The following AKNAD1 variants were observed in gnomAD, a reference collection of about 807,000 sequenced individuals.
AKNAD1 encodes the protein protein AKNAD1.
AKNAD1 carries 67 observed loss-of-function variants against 90.8 expected under a neutral mutation model. That is an observed-to-expected ratio of 0.74 (90% CI 0.61 to 0.90). The LOEUF is 0.90. Among genes scored for constraint, AKNAD1 ranks in the 40% least tolerant of loss-of-function variants. The probability of loss-of-function intolerance (pLI) is 0.00; values close to 1 mark genes in which losing one functional copy is unlikely to be tolerated. For synonymous variants in AKNAD1, 327 were observed against 341.4 expected, an observed-to-expected ratio of 0.96 and a Z score of 0.46; for missense variants, 957 against 975.4, an observed-to-expected ratio of 0.98 and a Z score of 0.25.
At chr1:108,826,742 CT>C (rs1363102278) in intron 11 of AKNAD1, among the ~76,000 whole-genome samples, 110 of 59,452 alleles carry the variant, frequency 1.9e-3, no homozygotes, top group Non-Finnish European at 2.7e-3. Context: ...TTTTCTTTTT[CT>C]TTTTTTTTTT....
chr1:108,847,485 C>A (rs1001051683), intron 5 of AKNAD1, among the ~76,000 whole-genome samples: 1 of 151,714 alleles, frequency 6.6e-6, no homozygotes. Context: ...TTCAATGCTG[C>A]CCAATTACTC....
intron 7 of AKNAD1, among the ~76,000 whole-genome samples, chr1:108,835,660 T>A (rs377181386): frequency 6.6e-6 from 1 of 151,604 alleles, no homozygotes; most frequent in East Asian, 1.9e-4. Context: ...AGTCTTGCCC[T>A]GTCACCCAGA....
chr1:108,820,615 G>T lies in AKNAD1; in HGVS notation c.2179C>A (p.Pro727Thr). 1.9e-6 allele frequency: 3 copies of T among 1,607,340 alleles called. No individual in the cohort carries two copies. Among genetic ancestry groups the T allele is most frequent in the South Asian group, 1.1e-5 (1 of 89,946 alleles). The change falls in exon 14 of 16, where the codon CCC becomes ACC. Residue 727 changes from proline (P) to threonine (T), a missense_variant. Transcript: ENST00000370001. ...SKNSSPSFLK[P>T]KRICSQRVNS... ...ACTCTCTGAGAACAGATCCGTTTGG[G>T]TTTTAAAAAAGCTGAAAAATGTTAG...
Position 108,851,973 on chromosome 1 carries a change from T to C in AKNAD1, c.692A>G (p.Gln231Arg). Residue 231 changes from glutamine (Q) to arginine (R), a missense_variant, in exon 2 of 16, where the codon CAG becomes CGG. Coordinates refer to ENST00000370001, the MANE Select transcript of AKNAD1 (RefSeq NM_152763.5). The stretch of plus-strand genomic sequence containing the variant: ...TTCAGTCTGCTGTTTCTGGGGTGAC[T>C]GCCCTTGATAACTTTTTTGTTTATC... ...PGDKQKSYQG[Q>R]SPQKQQTEKA... 1 of 1,614,234 alleles carries C rather than the reference T, an allele frequency of 6.2e-7. No homozygotes were observed. Among genetic ancestry groups the C allele is most frequent in the Non-Finnish European group, 8.5e-7 (1 of 1,180,030 alleles).
intron 9 of AKNAD1, 92 bp from the exon 10 acceptor site, chr1:108,830,742 G>C: frequency 7.9e-7 from 1 of 1,258,382 alleles, no homozygotes; most frequent in South Asian, 1.2e-5. Context: ...GCTGAGGTCC[G>C]GCTGAACTTG....
chr1:108,830,643 G>C lies in AKNAD1; in HGVS notation c.1754C>G (p.Pro585Arg). Residue 585 changes from proline (P) to arginine (R), a missense_variant, in exon 10 of 16, where the codon CCC (proline) becomes CGC (arginine). Coordinates refer to ENST00000370001, the MANE Select transcript of AKNAD1 (RefSeq NM_152763.5). ...ATCCTGCCTTCTTGGAGTGCCGTTGGGATCCTCCTGCGCCACAAAGCACAC... is the reference window on the plus strand; with the variant it reads ...ATCCTGCCTTCTTGGAGTGCCGTTGCGATCCTCCTGCGCCACAAAGCACAC... ...MRLSSNSGED[P>R]NGTPRRQDCA... The C allele has an allele frequency of 6.2e-7, 1 of 1,614,070 alleles. No homozygotes were observed. The highest frequency in any genetic ancestry group is 1.1e-5 in the South Asian group (1 of 91,082).
chr1:108,856,396 G>C (rs1224629137), intron 1 of AKNAD1, among the ~76,000 whole-genome samples: 1 of 151,780 alleles, frequency 6.6e-6, no homozygotes, highest in African/African-American at 2.4e-5. Flanking sequence ...TTTTGCTCTG[G>C]CTCTCAAGAA....
Position 108,851,783 on chromosome 1 carries a change from A to C in AKNAD1, c.882T>G (p.Asp294Glu). ...KQASFSSKSRDKPTLVQDSLE... is the reference protein window; with the variant it reads ...KQASFSSKSREKPTLVQDSLE... ...GACTATCTTGCACAAGAGTGGGTTTATCTCTCGACTTGGAAGAAAAGCTGG... is the reference window on the plus strand; with the variant it reads ...GACTATCTTGCACAAGAGTGGGTTTCTCTCTCGACTTGGAAGAAAAGCTGG... The change falls in exon 2 of 16, where the codon GAT becomes GAG. Residue 294 changes from aspartate to glutamate, a missense_variant. Transcript: ENST00000370001. 8.7e-6 allele frequency: 14 copies of C among 1,614,188 alleles called. No individual in the cohort carries two copies. The highest frequency in any genetic ancestry group is 1.2e-5 in the Non-Finnish European group (14 of 1,180,018).
intron 9 of AKNAD1, 132 bp downstream of exon 9, chr1:108,834,315 C>T: frequency 1.4e-6 from 1 of 726,028 alleles, no homozygotes; most frequent in Non-Finnish European, 2.3e-6. Flanking sequence ...AGCACTGACA[C>T]CCAGGATGCC....
chr1:108,839,175 A>G (rs1260383434), intron 6 of AKNAD1, among the ~76,000 whole-genome samples: 1 of 152,200 alleles, frequency 6.6e-6, no homozygotes, highest in Non-Finnish European at 1.5e-5. Context: ...CTATATTATT[A>G]GACTCTTCCA....
At chr1:108,830,016 A>C (rs1007309898) in intron 10 of AKNAD1, among the ~76,000 whole-genome samples, 3 of 152,204 alleles carry the variant, frequency 2.0e-5, no homozygotes, top group Admixed American at 1.3e-4. Flanking sequence ...GTCCTTAGGA[A>C]TGGGAAGAAA....
At chr1:108,834,613 C>T in intron 8 of AKNAD1, 85 bp from the exon 9 acceptor site, 3 of 1,354,424 alleles carry the variant, frequency 2.2e-6, no homozygotes, top group Non-Finnish European at 2.0e-6. Context: ...AATCACTTGG[C>T]ATCACCCCTG....
chr1:108,856,536 C>CAA (rs1413892000), intron 1 of AKNAD1, among the ~76,000 whole-genome samples: 2 of 145,700 alleles, frequency 1.4e-5, no homozygotes, highest in African/African-American at 2.5e-5. Context: ...CCTGTCTCTA[C>CAA]AAAGAAAAAA....
Position 108,849,398 on chromosome 1 carries a change from G to T in AKNAD1, c.1033+139C>A, listed in dbSNP as rs140654759. The T allele has an allele frequency of 5.2e-3, 3,212 of 615,052 alleles. 20 individuals carry two copies. Among genetic ancestry groups the T allele is most frequent in the South Asian group, 9.9e-3 (472 of 47,500 alleles). 38.1% of individuals were successfully genotyped at this position (615,052 alleles called of 1,614,324 possible). A position where few individuals can be genotyped will look rare whatever the true frequency, so the allele number is the denominator to read the frequency against. ...GGAGGATGAGGTGGGAGGATCATTTGAGCCCCAGAGGTCAAGGCTGCAATG... is the reference window on the plus strand; with the variant it reads ...GGAGGATGAGGTGGGAGGATCATTTTAGCCCCAGAGGTCAAGGCTGCAATG... On this transcript the variant is annotated intron_variant, in intron 3 of 15. Transcript: ENST00000370001.
chr1:108,817,030 G>A lies in AKNAD1; in HGVS notation c.2379+18C>T. On this transcript the variant is annotated intron_variant, in intron 15 of 15. Coordinates refer to ENST00000370001, the MANE Select transcript of AKNAD1 (RefSeq NM_152763.5). ...TTACGAGCTGCAATGCTTCTCGAAT[G>A]ATTTTCTAAGTCCTCACCTCAGATT... The A allele has an allele frequency of 6.2e-7, 1 of 1,613,264 alleles. No homozygotes were observed. The highest frequency in any genetic ancestry group is 1.7e-5 in the Admixed American group (1 of 59,956).
Position 108,843,286 on chromosome 1 carries a change from T to C in AKNAD1, c.1246-19A>G. The C allele has an allele frequency of 6.2e-7, 1 of 1,612,346 alleles. No homozygotes were observed. The highest frequency in any genetic ancestry group is 1.1e-5 in the South Asian group (1 of 90,818). On this transcript the variant is annotated intron_variant, in intron 5 of 15. Transcript: ENST00000370001. Reference sequence around the variant, plus strand: ...CCAGGACCTGCAGCGGTGAAGTCACTGGAATCATTCACATGCAAGCCTGTG... The same window carrying C: ...CCAGGACCTGCAGCGGTGAAGTCACCGGAATCATTCACATGCAAGCCTGTG...
At chr1:108,818,087 G>A (rs1489843631) in intron 14 of AKNAD1, among the ~76,000 whole-genome samples, 2 of 152,244 alleles carry the variant, frequency 1.3e-5, no homozygotes, top group East Asian at 1.9e-4. Flanking sequence ...TGGCTCTAGG[G>A]GGTTATTTGC....
chr1:108,830,105 C>T (rs1664137887), intron 10 of AKNAD1, among the ~76,000 whole-genome samples: 1 of 152,034 alleles, frequency 6.6e-6, no homozygotes, highest in Non-Finnish European at 1.5e-5. Context: ...GACTTTTGCT[C>T]ATCATAAGGA....
intron 13 of AKNAD1, 79 bp from the exon 14 acceptor site, chr1:108,820,705 T>A (rs1408003512): frequency 1.4e-6 from 1 of 721,370 alleles, no homozygotes; most frequent in Non-Finnish European, 2.4e-6. Flanking sequence ...TTCCTTGAAC[T>A]TTTTGTATGA....
Sources: gnomAD v4.1 joint callset for allele counts (sites outside exome capture counted in the v4.1 genomes callset) on GRCh38, gnomAD v4.1.1 for gene constraint, MANE v1.5 for transcripts, NCBI Gene and HGNC (gene_info 2026-07-23, HGNC 2026-07-21) for gene names.